TFE3: variants seen among roughly 807,000 people sequenced by gnomAD.
TFE3 encodes the protein transcription factor E3.
A neutral mutation model predicts 35.0 loss-of-function variants in TFE3; 5 were observed. The ratio of observed to expected loss-of-function variants is 0.14; its 90% confidence interval spans 0.07 to 0.30. TFE3 has a LOEUF of 0.30. TFE3 is among the 10% of genes least tolerant of loss of function. TFE3 has a pLI of 1.00. For missense variants in TFE3, 374 were observed against 496.6 expected (o/e 0.75, Z 2.35); for synonymous variants, 211 against 215.6 (o/e 0.98, Z 0.18).
chrX:49,036,774 C>T (rs2147774043), intron 5 of TFE3, among the ~76,000 whole-genome samples: 1 of 111,354 alleles, frequency 9.0e-6, no homozygotes, highest in South Asian at 3.7e-4. Flanking sequence ...TGCGCTCCAG[C>T]CTGGGTGACA....
chrX:49,034,012 A>T (rs1390801860), intron 6 of TFE3, 122 bp downstream of exon 6: 1 of 659,645 alleles, frequency 1.5e-6, no homozygotes, highest in Non-Finnish European at 2.4e-6. Flanking sequence ...GGGGACAAAC[A>T]GCCTCCATTT....
chrX:49,033,545 G>C lies in TFE3; in HGVS notation c.1061-5C>G, dbSNP rs1229316434. 3.3e-6 allele frequency: 4 copies of C among 1,208,951 alleles called. No homozygotes were observed. In the Admixed American group the frequency reaches 6.5e-5, roughly 20 times the overall value. ...TGAATCGCCTGCGACGCTCAACTTT[G>C]GAGAGGGGAGGAGAGGAAGAAAGAG... is the stretch of plus-strand genomic sequence containing the variant. On this transcript the variant is annotated splice_region_variant and splice_polypyrimidine_tract_variant and intron_variant, in intron 7 of 9. Transcript: ENST00000315869.
rs1557075290 is a variant in TFE3, at chrX:49,039,197, G to A, written c.444C>T (p.Ala148=). 2 of 1,203,779 alleles carry A rather than the reference G, an allele frequency of 1.7e-6. No homozygotes were observed. The highest frequency in any genetic ancestry group is 2.2e-6 in the Non-Finnish European group (2 of 891,960). The part of the protein sequence containing the change: ...AAAPFPSPAP[A]SPAISVVGVS... ...CGCCAACCACAGAGATGGCAGGAGA[G>A]GCAGGTGCAGGACTGGGGAAGGGAG... is the stretch of plus-strand genomic sequence containing the variant. Residue 148 remains alanine, a synonymous_variant, in exon 3 of 10, where the codon GCC becomes GCT. Transcript: ENST00000315869.
At position 49,043,241 on chromosome X, in the gene TFE3, G is replaced by A; in HGVS notation, c.-15C>T. 1 of 1,130,728 alleles carries A rather than the reference G, an allele frequency of 8.8e-7. No individual in the cohort carries two copies. The highest frequency in any genetic ancestry group is 1.2e-6 in the Non-Finnish European group (1 of 851,437). 93.2% of individuals were successfully genotyped at this position (1,130,728 alleles called of 1,213,427 possible). ...GCATGAGACATGACGCCCGGCCCCGGGCGAGCCCTGCCAGGCCGGTCGGGC... is the reference window on the plus strand; with the variant it reads ...GCATGAGACATGACGCCCGGCCCCGAGCGAGCCCTGCCAGGCCGGTCGGGC... On this transcript the variant is annotated 5_prime_UTR_variant, in exon 1 of 10. Coordinates refer to ENST00000315869, the MANE Select transcript of TFE3 (RefSeq NM_006521.6).
At chrX:49,042,597 G>A (rs782152825) in intron 1 of TFE3, among the ~76,000 whole-genome samples, 47 of 111,352 alleles carry the variant, frequency 4.2e-4, no homozygotes, top group Non-Finnish European at 7.9e-4. Context: ...CCAGATTCAT[G>A]TTATCCCCAA....
At chrX:49,036,246 T>A (rs2064728618) in intron 5 of TFE3, among the ~76,000 whole-genome samples, 1 of 108,373 alleles carries the variant, frequency 9.2e-6, no homozygotes, top group Non-Finnish European at 1.9e-5. Flanking sequence ...GGCAGGTGGA[T>A]CACCTGAGGT....
In TFE3 at chrX:49,043,302, C is replaced by G. The variant is rs4824737; in HGVS notation, c.-76G>C. 1 of 815,050 alleles carries G rather than the reference C, an allele frequency of 1.2e-6. No homozygotes were observed. The highest frequency in any genetic ancestry group is 3.6e-5 in the Admixed American group (1 of 27,536). 67.2% of individuals were successfully genotyped at this position (815,050 alleles called of 1,213,427 possible). A position where few individuals can be genotyped will look rare whatever the true frequency, so the allele number is the denominator to read the frequency against. On this transcript the variant is annotated 5_prime_UTR_variant, in exon 1 of 10. Coordinates refer to ENST00000315869, the MANE Select transcript of TFE3 (RefSeq NM_006521.6). ...TCCCCCTAACAAAATAAGAGTCCCCCCTCCCCCCAGCTCGCCACCGCCGCC... is the reference window on the plus strand; with the variant it reads ...TCCCCCTAACAAAATAAGAGTCCCCGCTCCCCCCAGCTCGCCACCGCCGCC...
intron 1 of TFE3, among the ~76,000 whole-genome samples, chrX:49,041,211 G>A (rs1203618943): frequency 9.0e-6 from 1 of 111,417 alleles, no homozygotes; most frequent in Non-Finnish European, 1.9e-5. Flanking sequence ...GATTACAGGT[G>A]TGAGCCACTG....
intron 8 of TFE3, among the ~76,000 whole-genome samples, chrX:49,032,582 A>G (rs1250883712): frequency 1.8e-5 from 2 of 109,971 alleles, no homozygotes; most frequent in Admixed American, 1.9e-4. Flanking sequence ...CATGTTGGCC[A>G]GAATGGTCTC....
At position 49,036,507 on chromosome X, in the gene TFE3, T is replaced by C. The variant is rs868952091; in HGVS notation, c.885+1503A>G. Among the ~76,000 whole-genome samples, 54 of 75,294 alleles carry C rather than the reference T, an allele frequency of 7.2e-4. 3 individuals carry two copies. The South Asian group carries it at 0.019, about 27-fold the overall frequency. 65.4% of individuals were successfully genotyped at this position (75,294 alleles called of 115,157 possible). On this transcript the variant is annotated intron_variant, in intron 5 of 9. Transcript: ENST00000315869. Reference sequence around the variant, plus strand: ...ATTCAATAAAAAATAAATAAATAAATAAATAAAGCAAGTTAGGCCAGGCAT... The same window carrying C: ...ATTCAATAAAAAATAAATAAATAAACAAATAAAGCAAGTTAGGCCAGGCAT...
intron 2 of TFE3, 81 bp downstream of exon 2, chrX:49,040,374 T>A: frequency 1.3e-6 from 1 of 744,844 alleles, no homozygotes; most frequent in South Asian, 2.2e-5. Context: ...GTTGGGCTGG[T>A]ACTGAGGGCC....
intron 1 of TFE3, 79 bp downstream of exon 1, chrX:49,043,032 A>C: frequency 2.3e-6 from 2 of 880,983 alleles, no homozygotes; most frequent in Non-Finnish European, 3.0e-6. Flanking sequence ...CTCCAATCCC[A>C]GTCCGGGGCC....
chrX:49,036,075 G>A (rs782610698), intron 5 of TFE3, among the ~76,000 whole-genome samples: 1 of 110,471 alleles, frequency 9.1e-6, no homozygotes, highest in Admixed American at 9.8e-5. Context: ...GGAGGCTGAG[G>A]TGGGAGGATC....
intron 5 of TFE3, among the ~76,000 whole-genome samples, chrX:49,037,046 G>C (rs1326421689): frequency 1.8e-5 from 2 of 112,179 alleles, no homozygotes; most frequent in African/African-American, 3.2e-5. Context: ...GCTCACACCT[G>C]TAATTCCAGC....
intron 8 of TFE3, chrX:49,032,121 C>T (rs2064702767): frequency 8.9e-6 from 1 of 112,560 alleles, no homozygotes; most frequent in Admixed American, 9.4e-5. Flanking sequence ...TGTCTGCCCC[C>T]ACTAAAACAT....
chrX:49,040,620 C>G, intron 1 of TFE3, 52 bp from the exon 2 acceptor site: 1 of 845,608 alleles, frequency 1.2e-6, no homozygotes. Flanking sequence ...ACCTTATTCC[C>G]CAGCCCTCCC....
At chrX:49,038,157 G>T (rs370865595) in intron 4 of TFE3, 40 bp downstream of exon 4, 1 of 1,211,965 alleles carries the variant, frequency 8.3e-7, no homozygotes, top group Non-Finnish European at 1.1e-6. Flanking sequence ...GAAGAATTTG[G>T]GAGGGGAATG....
intron 8 of TFE3, among the ~76,000 whole-genome samples, chrX:49,032,673 CT>C (rs782306525): frequency 2.0e-3 from 187 of 93,741 alleles, no homozygotes; most frequent in Admixed American, 2.7e-3. Context: ...ACCCGGCCAT[CT>C]TTTTTTTTTT....
chrX:49,032,335 A>G (rs1160433513), intron 8 of TFE3, among the ~76,000 whole-genome samples: 3 of 110,989 alleles, frequency 2.7e-5, no homozygotes, highest in Non-Finnish European at 5.7e-5. Context: ...CTCAGGTTCA[A>G]GCGATTCTCC....
Sources: allele counts gnomAD v4.1 joint callset (sites outside exome capture counted in the v4.1 genomes callset), GRCh38; gene constraint gnomAD v4.1.1; transcripts MANE v1.5; gene names NCBI Gene and HGNC (gene_info 2026-07-23, HGNC 2026-07-21).